The following PTPRT variants were observed in gnomAD, a reference collection of about 807,000 sequenced individuals.
The protein encoded by PTPRT is receptor-type tyrosine-protein phosphatase T.
In PTPRT, 56 loss-of-function variants were observed where a neutral mutation model predicts 176.8. That is an observed-to-expected ratio of 0.32 (90% CI 0.26 to 0.40). The LOEUF (loss-of-function observed/expected upper bound fraction) is 0.40. PTPRT is among the 10% of genes least tolerant of loss of function. The probability of loss-of-function intolerance (pLI) is 1.00; values close to 1 mark genes in which losing one functional copy is unlikely to be tolerated. For synonymous variants in PTPRT, 783 were observed against 739.0 expected, an observed-to-expected ratio of 1.06 and a Z score of -0.96; for missense variants, 1,540 against 1,908.2, an observed-to-expected ratio of 0.81 and a Z score of 3.60.
intron 1 of PTPRT, among the ~76,000 whole-genome samples, chr20:43,083,345 T>TACATATATATATATATATATATAC (rs1555828966): frequency 8.5e-6 from 1 of 117,378 alleles, no homozygotes; most frequent in African/African-American, 3.1e-5. Flanking sequence ...TATATATATA[T>TACATATATATATATATATATATAC]ATATATATAT....
chr20:42,322,568 T>A (rs1600833871), intron 11 of PTPRT, among the ~76,000 whole-genome samples: 1 of 140,592 alleles, frequency 7.1e-6, no homozygotes, highest in East Asian at 2.0e-4. Flanking sequence ...TGTAGAAAGC[T>A]GAAACTGGAT....
chr20:42,737,988 C>T (rs1241548291), intron 6 of PTPRT, among the ~76,000 whole-genome samples: 1 of 152,136 alleles, frequency 6.6e-6, no homozygotes, highest in Non-Finnish European at 1.5e-5. Context: ...GTTCTGGCCA[C>T]ATCATCTCAC....
rs1600455202 is a variant in PTPRT at position 42,604,410 on chromosome 20, T to A, written c.1153+73456A>T. Among the ~76,000 whole-genome samples, 7 of 152,206 alleles carry A rather than the reference T, an allele frequency of 4.6e-5. No homozygotes were observed. In the South Asian group the frequency reaches 1.4e-3, roughly 31 times the overall value. Reference sequence around the variant, plus strand: ...CTCTGGAGACAGGAATCTGGTTTATTTGGATCCCCAGGAGCTCATGAATAC... The same window carrying A: ...CTCTGGAGACAGGAATCTGGTTTATATGGATCCCCAGGAGCTCATGAATAC... On this transcript the variant is annotated intron_variant, in intron 7 of 30. Coordinates refer to ENST00000373187, the MANE Select transcript of PTPRT (RefSeq NM_007050.6).
At chr20:42,870,791 CACAA>C (rs989929812) in intron 2 of PTPRT, among the ~76,000 whole-genome samples, 2 of 152,156 alleles carry the variant, frequency 1.3e-5, no homozygotes, top group Non-Finnish European at 2.9e-5. Flanking sequence ...TTTACACTCT[CACAA>C]ACAATGTACA....
the PTPRT span, among the ~76,000 whole-genome samples, chr20:42,054,670 C>T: frequency 1.1e-4 from 16 of 152,172 alleles, no homozygotes. Flanking sequence ...CTCTTCCCTA[C>T]CTTCCATTCC....
rs149308501 is a variant in PTPRT, at chr20:42,417,512, G to T, written c.1560+30708C>A. On this transcript the variant is annotated intron_variant, in intron 9 of 30. Transcript: ENST00000373187. ...AACTTAAATATATATTTTGCTGGGG[G>T]AGACAAAATTCAATCCTCCAGGAGA... Among the ~76,000 whole-genome samples the T allele has an allele frequency of 7.0e-4, 106 of 151,784 alleles. 3 individuals are homozygous for T. The East Asian group carries it at 0.016, about 23-fold the overall frequency.
chr20:43,066,972 C>G (rs1400971221), intron 1 of PTPRT, among the ~76,000 whole-genome samples: 2 of 152,150 alleles, frequency 1.3e-5, no homozygotes, highest in African/African-American at 4.8e-5. Context: ...TGCTCTCTGG[C>G]CCTTTATAGA....
chr20:42,896,979 G>A (rs1319327675), intron 1 of PTPRT, among the ~76,000 whole-genome samples: 1 of 152,192 alleles, frequency 6.6e-6, no homozygotes, highest in East Asian at 1.9e-4. Context: ...ATTTGGAGAA[G>A]TGTGTGCCGG....
At chr20:42,409,481 CAAAAAAAAA>C (rs58932390) in intron 9 of PTPRT, among the ~76,000 whole-genome samples, 898 of 110,982 alleles carry the variant, frequency 8.1e-3, no homozygotes, top group African/African-American at 0.012. Flanking sequence ...GACTCTGTCG[CAAAAAAAAA>C]AAAAAAAAAA....
chr20:42,095,937 C>A (rs1220254751), intron 27 of PTPRT, among the ~76,000 whole-genome samples: 1 of 152,172 alleles, frequency 6.6e-6, no homozygotes, highest in East Asian at 1.9e-4. Flanking sequence ...CTGCTCTTCT[C>A]GCTGCCTTCC....
chr20:42,367,804 G>A (rs2867435), intron 9 of PTPRT, among the ~76,000 whole-genome samples: 18,010 of 152,126 alleles, frequency 0.12, 1,502 homozygotes, highest in East Asian at 0.37. Flanking sequence ...GGTGTGTGTG[G>A]GTCACACAGA....
At chr20:42,193,633 G>C (rs1291669011) in intron 16 of PTPRT, among the ~76,000 whole-genome samples, 1 of 152,200 alleles carries the variant, frequency 6.6e-6, no homozygotes, top group Non-Finnish European at 1.5e-5. Flanking sequence ...TAATGATAGG[G>C]TTCCTTGGGA....
At chr20:43,019,434 C>A (rs1320057368) in intron 1 of PTPRT, among the ~76,000 whole-genome samples, 2 of 151,968 alleles carry the variant, frequency 1.3e-5, no homozygotes, top group Non-Finnish European at 2.9e-5. Context: ...TCCTGGCCAA[C>A]ATGGTGAAAC....
intron 9 of PTPRT, among the ~76,000 whole-genome samples, chr20:42,378,673 GTTAA>G (rs2058671711): frequency 6.6e-6 from 1 of 152,138 alleles, no homozygotes; most frequent in Non-Finnish European, 1.5e-5. Context: ...TTGTGCCACG[GTTAA>G]GATACGGGCT....
At chr20:43,052,361 A>C (rs1042072759) in intron 1 of PTPRT, among the ~76,000 whole-genome samples, 2 of 152,258 alleles carry the variant, frequency 1.3e-5, no homozygotes, top group African/African-American at 2.4e-5. Context: ...TCTGGACTAC[A>C]AAAGCAGTTC....
At chr20:42,118,761 C>G (rs929230342) in intron 20 of PTPRT, among the ~76,000 whole-genome samples, 9 of 152,126 alleles carry the variant, frequency 5.9e-5, no homozygotes, top group Admixed American at 3.9e-4. Flanking sequence ...AGCCTCTCCT[C>G]TCCCTTCTGT....
chr20:42,217,212 A>G (rs560959059), intron 15 of PTPRT, among the ~76,000 whole-genome samples: 1 of 152,100 alleles, frequency 6.6e-6, no homozygotes, highest in African/African-American at 2.4e-5. Context: ...CGTCTCTACT[A>G]AAATACAAAA....
At chr20:42,531,689 G>C (rs1341439478) in intron 7 of PTPRT, among the ~76,000 whole-genome samples, 1 of 152,178 alleles carries the variant, frequency 6.6e-6, no homozygotes, top group Admixed American at 6.5e-5. Context: ...ACCAAGTACA[G>C]GAGCAAGGAC....
chr20:42,635,328 A>C (rs1281416983), intron 7 of PTPRT, among the ~76,000 whole-genome samples: 1 of 152,176 alleles, frequency 6.6e-6, no homozygotes, highest in African/African-American at 2.4e-5. Context: ...TCCAGTATCA[A>C]GAAATATTTT....
Sources: allele counts gnomAD v4.1 joint callset (sites outside exome capture counted in the v4.1 genomes callset), GRCh38; gene constraint gnomAD v4.1.1; transcripts MANE v1.5; gene names NCBI Gene and HGNC (gene_info 2026-07-23, HGNC 2026-07-21).